PPME1: variants seen among roughly 807,000 people sequenced by gnomAD.
The protein encoded by PPME1 is testicular secretory protein Li 39.
A neutral mutation model predicts 56.9 loss-of-function variants in PPME1; 17 were observed. The ratio of observed to expected loss-of-function variants is 0.30; its 90% CI spans 0.20 to 0.45. The LOEUF (loss-of-function observed/expected upper bound fraction) is 0.45. Ranked by LOEUF, PPME1 falls within the 20% of genes least tolerant of loss-of-function variation. The pLI, the probability that PPME1 is intolerant of heterozygous loss-of-function variation, is 1.00. For synonymous variants in PPME1, 122 were observed against 156.2 expected (o/e 0.78, Z 1.63); for missense variants, 357 against 483.2 (o/e 0.74, Z 2.45).
chr11:74,232,860 A>AT (rs35057762), intron 7 of PPME1, among the ~76,000 whole-genome samples: 11,908 of 93,918 alleles, frequency 0.13, 1,371 homozygotes, highest in African/African-American at 0.31. Context: ...TTGTTATTTG[A>AT]TTTTTTTTTT....
chr11:74,234,018 G>A (rs1280947742), intron 7 of PPME1, among the ~76,000 whole-genome samples: 1 of 152,176 alleles, frequency 6.6e-6, no homozygotes, highest in African/African-American at 2.4e-5. Flanking sequence ...TGGCAACAGA[G>A]GAAGAGAGTC....
chr11:74,183,149 T>C (rs1028035820), intron 1 of PPME1, among the ~76,000 whole-genome samples: 6 of 151,284 alleles, frequency 4.0e-5, no homozygotes, highest in African/African-American at 1.5e-4. Flanking sequence ...GTTAAAAAAT[T>C]AGCCAGGCAT....
intron 9 of PPME1, 45 bp downstream of exon 9, chr11:74,239,301 T>A (rs1448199249): frequency 1.3e-6 from 2 of 1,594,466 alleles, no homozygotes; most frequent in African/African-American, 2.7e-5. Context: ...TATGGAATGG[T>A]TCAAACTGTG....
chr11:74,244,154 G>A (rs1024484163), intron 9 of PPME1, among the ~76,000 whole-genome samples: 10 of 151,948 alleles, frequency 6.6e-5, no homozygotes, highest in Admixed American at 2.6e-4. Context: ...ACCACATTTC[G>A]TTTATTCATT....
chr11:74,188,760 A>T (rs1316143631), intron 1 of PPME1, among the ~76,000 whole-genome samples: 1 of 152,166 alleles, frequency 6.6e-6, no homozygotes, highest in Non-Finnish European at 1.5e-5. Flanking sequence ...ATTTATTTTC[A>T]GTTCTTTTTT....
chr11:74,214,312 A>G (rs1379919562), intron 3 of PPME1, among the ~76,000 whole-genome samples: 10 of 152,206 alleles, frequency 6.6e-5, no homozygotes, highest in South Asian at 6.2e-4. Flanking sequence ...TACAAAAACA[A>G]TGCAGCACAC....
chr11:74,184,562 A>G (rs1240329416), intron 1 of PPME1, among the ~76,000 whole-genome samples: 1 of 152,234 alleles, frequency 6.6e-6, no homozygotes, highest in African/African-American at 2.4e-5. Flanking sequence ...ATTGATGTTT[A>G]GTAAGGGTGG....
chr11:74,235,927 T>C lies in PPME1; in HGVS notation c.671T>C (p.Leu224Pro). Residue 224 changes from leucine to proline, a missense_variant, in exon 8 of 14, where the codon CTG becomes CCG. Transcript: ENST00000328257. ...WSVKSGQIRN[L>P]ESARVSMVGQ... ...GTGAAGAGTGGCCAGATTCGAAATC[T>C]GGAGTCTGCCCGTGTCTCAATGGTT... The C allele has an allele frequency of 8.7e-6, 14 of 1,612,648 alleles. No individual in the cohort carries two copies. Among genetic ancestry groups the C allele is most frequent in the Non-Finnish European group, 1.2e-5 (14 of 1,179,400 alleles).
intron 1 of PPME1, among the ~76,000 whole-genome samples, chr11:74,190,595 T>C (rs889531809): frequency 6.6e-6 from 1 of 152,328 alleles, no homozygotes. Flanking sequence ...TTTATAGCAG[T>C]GCAAGAATGG....
chr11:74,220,028 G>A (rs557347041), intron 3 of PPME1, among the ~76,000 whole-genome samples: 306 of 152,150 alleles, frequency 2.0e-3, no homozygotes, highest in Non-Finnish European at 3.6e-3. Context: ...CTCCACAAAT[G>A]TATACCCTTA....
intron 3 of PPME1, chr11:74,204,928 ATGTTATGTGCCC>A (rs911312465): frequency 6.5e-6 from 1 of 153,766 alleles, no homozygotes; most frequent in African/African-American, 2.4e-5. Context: ...TCTTGCAGCA[ATGTTATGTGCCC>A]TGAGTGCTTT....
chr11:74,215,933 C>T (rs1394830660), intron 3 of PPME1, among the ~76,000 whole-genome samples: 1 of 152,118 alleles, frequency 6.6e-6, no homozygotes, highest in Non-Finnish European at 1.5e-5. Flanking sequence ...ATAAGGGGGT[C>T]AATTCAGCAA....
rs190235003 is a variant in PPME1 at position 74,204,343 on chromosome 11, C to T, written c.196-10C>T. ...AAAAACATAGATGTTTTATCTTTAA[C>T]TATTCATACACTTTTCGAGTCTACA... On this transcript the variant is annotated splice_polypyrimidine_tract_variant and intron_variant, in intron 2 of 13. Coordinates refer to ENST00000328257, the MANE Select transcript of PPME1 (RefSeq NM_016147.3). 4.2e-3 allele frequency: 6,742 copies of T among 1,596,098 alleles called. 78 individuals are homozygous for T. Among genetic ancestry groups the T allele is most frequent in the Middle Eastern group, 0.032 (194 of 6,022 alleles).
At chr11:74,225,889 A>G (rs893418537) in intron 5 of PPME1, among the ~76,000 whole-genome samples, 11 of 152,078 alleles carry the variant, frequency 7.2e-5, no homozygotes, top group African/African-American at 2.7e-4. Context: ...TGATGGAGCC[A>G]GTTCAATGAC....
intron 1 of PPME1, among the ~76,000 whole-genome samples, chr11:74,177,884 T>C (rs1223686494): frequency 6.6e-6 from 1 of 152,238 alleles, no homozygotes; most frequent in Non-Finnish European, 1.5e-5. Flanking sequence ...AATCTAATAT[T>C]ACTTAAATTC....
At chr11:74,195,411 TTCTC>T (rs1266075911) in intron 1 of PPME1, among the ~76,000 whole-genome samples, 2 of 152,222 alleles carry the variant, frequency 1.3e-5, no homozygotes, top group African/African-American at 2.4e-5. Context: ...GCTTATTTCT[TTCTC>T]TAAGTATTTT....
chr11:74,247,107 C>T lies in PPME1; in HGVS notation c.993C>T (p.Thr331=), dbSNP rs748663604. ...AGVDRLDKDL[T]IGQMQGKFQM... is the part of the protein sequence containing the mutation. ...TTGATAGATTGGATAAAGATCTGAC[C>T]ATTGGCCAGATGCAAGGTAAGTTAT... is the stretch of plus-strand genomic sequence containing the variant. The change falls in exon 11 of 14, where the codon ACC becomes ACT. Residue 331 remains threonine, a synonymous_variant. Coordinates refer to ENST00000328257, the MANE Select transcript of PPME1 (RefSeq NM_016147.3). 1 of 1,612,018 alleles carries T rather than the reference C, an allele frequency of 6.2e-7. No individual in the cohort carries two copies. Among genetic ancestry groups the T allele is most frequent in the Admixed American group, 1.7e-5 (1 of 59,896 alleles).
chr11:74,196,362 T>C (rs1377598405), intron 1 of PPME1, among the ~76,000 whole-genome samples: 1 of 152,184 alleles, frequency 6.6e-6, no homozygotes, highest in South Asian at 2.1e-4. Context: ...GTTTTTTACT[T>C]CTCAGAGTTT....
chr11:74,185,703 T>C (rs910133810), intron 1 of PPME1, among the ~76,000 whole-genome samples: 30 of 152,002 alleles, frequency 2.0e-4, no homozygotes, highest in African/African-American at 7.0e-4. Flanking sequence ...TTAATAATTA[T>C]GTTGTTTTCC....
Sources: gnomAD v4.1 joint callset for allele counts (sites outside exome capture counted in the v4.1 genomes callset) on GRCh38, gnomAD v4.1.1 for gene constraint, MANE v1.5 for transcripts, NCBI Gene and HGNC (gene_info 2026-07-23, HGNC 2026-07-21) for gene names.